GRIP1: variants seen among roughly 807,000 people sequenced by gnomAD.
The protein encoded by GRIP1 is glutamate receptor interacting protein 1, also known as glutamate receptor-interacting protein 1.
Under a neutral mutation model 129.9 loss-of-function variants are expected in GRIP1, and 45 were observed. The observed-to-expected ratio is 0.35, with a 90% CI of 0.27 to 0.44. GRIP1 has a LOEUF of 0.44. Ranked by LOEUF, GRIP1 falls within the 20% of genes least tolerant of loss-of-function variation. The pLI is 1.00. For missense variants in GRIP1, 1,196 were observed against 1,396.8 expected (o/e 0.86, Z 2.29); for synonymous variants, 530 against 520.8 (o/e 1.02, Z -0.24).
At chr12:66,855,190 G>C (rs2039982902) in intron 1 of GRIP1, among the ~76,000 whole-genome samples, 1 of 151,948 alleles carries the variant, frequency 6.6e-6, no homozygotes, top group East Asian at 1.9e-4. Flanking sequence ...TTGTACACAT[G>C]AGGCACATTA....
At chr12:66,772,221 A>C (rs1209285598) in intron 1 of GRIP1, among the ~76,000 whole-genome samples, 1 of 152,240 alleles carries the variant, frequency 6.6e-6, no homozygotes, top group East Asian at 1.9e-4. Context: ...TGTGATGTCC[A>C]GAGCTAGAGC....
At chr12:66,366,545 A>G (rs1201772357) in intron 23 of GRIP1, among the ~76,000 whole-genome samples, 1 of 152,248 alleles carries the variant, frequency 6.6e-6, no homozygotes, top group East Asian at 1.9e-4. Context: ...CAGCAGCCAC[A>G]AATAAAAGCA....
chr12:66,733,579 T>C (rs2036506364), intron 1 of GRIP1, among the ~76,000 whole-genome samples: 2 of 151,954 alleles, frequency 1.3e-5, no homozygotes, highest in Admixed American at 1.3e-4. Context: ...GCAGGAAAAA[T>C]GGAAGGCTCC....
chr12:66,789,311 A>C (rs1202987156), intron 1 of GRIP1, among the ~76,000 whole-genome samples: 1 of 152,166 alleles, frequency 6.6e-6, no homozygotes, highest in Admixed American at 6.6e-5. Flanking sequence ...AAAATCCCAT[A>C]AGATTTGGAA....
chr12:66,942,454 T>C (rs376787768), intron 1 of GRIP1, among the ~76,000 whole-genome samples: 2 of 152,192 alleles, frequency 1.3e-5, no homozygotes, highest in African/African-American at 4.8e-5. Context: ...TACATACAAA[T>C]GACCAAGGTC....
intron 1 of GRIP1, among the ~76,000 whole-genome samples, chr12:66,696,715 G>C (rs1252302555): frequency 6.7e-6 from 1 of 148,210 alleles, no homozygotes; most frequent in East Asian, 2.0e-4. Context: ...TGAGGCAGGA[G>C]AATGGCGTGA....
At chr12:66,964,015 G>A (rs149197261) in intron 1 of GRIP1, among the ~76,000 whole-genome samples, 5 of 152,178 alleles carry the variant, frequency 3.3e-5, no homozygotes, top group African/African-American at 1.2e-4. Context: ...AGTTCTCTTA[G>A]TTCTACCTCC....
intron 1 of GRIP1, among the ~76,000 whole-genome samples, chr12:66,626,233 G>C (rs34639740): frequency 0.2 from 29,871 of 151,428 alleles, 3,062 homozygotes; most frequent in Non-Finnish European, 0.23. Flanking sequence ...CCAGCTACTT[G>C]GGAGGCTGAG....
At chr12:66,972,317 A>G (rs1365138887) in intron 1 of GRIP1, among the ~76,000 whole-genome samples, 1 of 152,222 alleles carries the variant, frequency 6.6e-6, no homozygotes, top group Non-Finnish European at 1.5e-5. Context: ...CAGCCAGTTC[A>G]ACAGCTCTGG....
At chr12:66,697,880 A>C (rs1192236602) in intron 1 of GRIP1, among the ~76,000 whole-genome samples, 2 of 151,940 alleles carry the variant, frequency 1.3e-5, no homozygotes, top group Admixed American at 6.6e-5. Flanking sequence ...AATGCAAATC[A>C]AGACCCCCTC....
intron 1 of GRIP1, among the ~76,000 whole-genome samples, chr12:66,959,749 T>A (rs550942939): frequency 2.1e-4 from 32 of 152,286 alleles, no homozygotes; most frequent in East Asian, 1.2e-3. Flanking sequence ...TTAATTTTTT[T>A]AAATATTTTA....
chr12:66,693,520 T>C (rs1431919569), intron 1 of GRIP1, among the ~76,000 whole-genome samples: 2 of 152,166 alleles, frequency 1.3e-5, no homozygotes, highest in African/African-American at 4.8e-5. Context: ...GAGTTTGCTG[T>C]CCTTCTCCCT....
chr12:66,662,848 G>A (rs2033590947), intron 1 of GRIP1, among the ~76,000 whole-genome samples: 1 of 152,118 alleles, frequency 6.6e-6, no homozygotes, highest in African/African-American at 2.4e-5. Flanking sequence ...TCATTGAGAT[G>A]AGGTTAGACA....
chr12:67,061,418 C>A (rs956106888), intron 1 of GRIP1, among the ~76,000 whole-genome samples: 2 of 152,322 alleles, frequency 1.3e-5, no homozygotes, highest in East Asian at 3.9e-4. Flanking sequence ...TCGGTCTATA[C>A]CTAGGCCAAA....
intron 1 of GRIP1, among the ~76,000 whole-genome samples, chr12:66,793,690 T>C (rs1417761506): frequency 6.6e-6 from 1 of 152,140 alleles, no homozygotes; most frequent in Non-Finnish European, 1.5e-5. Context: ...GCTGCCATCA[T>C]GAAGGCACAG....
At chr12:66,608,933 A>AATTATTATTATTATTATTATTATT (rs150512388) in intron 1 of GRIP1, among the ~76,000 whole-genome samples, 25 of 145,548 alleles carry the variant, frequency 1.7e-4, no homozygotes, top group African/African-American at 5.0e-4. Flanking sequence ...ACATGAAACA[A>AATTATTATTATTATTATTATTATT]ATTATTATTA....
intron 1 of GRIP1, among the ~76,000 whole-genome samples, chr12:66,883,788 A>G (rs1359075477): frequency 6.6e-6 from 1 of 152,234 alleles, no homozygotes; most frequent in Non-Finnish European, 1.5e-5. Flanking sequence ...AAGAGGGCAG[A>G]TCGGGTTTCA....
At chr12:66,443,935 T>C (rs1413350837) in intron 13 of GRIP1, among the ~76,000 whole-genome samples, 2 of 152,252 alleles carry the variant, frequency 1.3e-5, no homozygotes, top group African/African-American at 2.4e-5. Flanking sequence ...CATGTGTTCT[T>C]TGCAGTGTGA....
chr12:66,635,868 T>C (rs192826008), intron 1 of GRIP1, among the ~76,000 whole-genome samples: 154 of 152,270 alleles, frequency 1.0e-3, no homozygotes, highest in African/African-American at 3.6e-3. Context: ...TTCACCTCTT[T>C]AGTAATCAGG....
Sources: gnomAD v4.1 joint callset for allele counts (sites outside exome capture counted in the v4.1 genomes callset) on GRCh38, gnomAD v4.1.1 for gene constraint, MANE v1.5 for transcripts, NCBI Gene and HGNC (gene_info 2026-07-23, HGNC 2026-07-21) for gene names.